Variants in IL1RAPL1 observed in about 807,000 individuals in gnomAD.
The protein encoded by IL1RAPL1 is interleukin-1 receptor accessory protein-like 1.
A neutral mutation model predicts 48.4 loss-of-function variants in IL1RAPL1; 3 were observed. The observed-to-expected ratio is 0.06, with a 90% confidence interval of 0.03 to 0.16. The LOEUF is 0.16. Among genes scored for constraint, IL1RAPL1 ranks in the 10% least tolerant of loss-of-function variants. The pLI is 1.00. For synonymous variants in IL1RAPL1, 185 were observed against 187.7 expected, an observed-to-expected ratio of 0.99 and a Z score of 0.12; for missense variants, 349 against 530.6, an observed-to-expected ratio of 0.66 and a Z score of 3.36.
intron 2 of IL1RAPL1, among the ~76,000 whole-genome samples, chrX:29,225,330 G>T (rs187435963): frequency 3.6e-5 from 4 of 111,780 alleles, no homozygotes; most frequent in African/African-American, 9.7e-5. Context: ...AATGTTCCAC[G>T]TTCCAAGTCT....
chrX:28,622,227 C>A (rs1934291796), intron 1 of IL1RAPL1, among the ~76,000 whole-genome samples: 1 of 111,853 alleles, frequency 8.9e-6, no homozygotes, highest in Non-Finnish European at 1.9e-5. Flanking sequence ...TAAAACCAAT[C>A]TCCCTAACAT....
chrX:29,116,314 G>A (rs1928677835), intron 2 of IL1RAPL1, among the ~76,000 whole-genome samples: 1 of 110,526 alleles, frequency 9.0e-6, no homozygotes, highest in South Asian at 3.8e-4. Context: ...AAAAAAGAAT[G>A]GAGGGAGGAG....
intron 6 of IL1RAPL1, among the ~76,000 whole-genome samples, chrX:29,879,069 C>T (rs1293374282): frequency 1.8e-5 from 2 of 111,488 alleles, no homozygotes; most frequent in Non-Finnish European, 3.8e-5. Flanking sequence ...GAATAGTACA[C>T]AGCAGTAAAC....
chrX:29,483,566 A>G (rs1935063299), intron 5 of IL1RAPL1, among the ~76,000 whole-genome samples: 1 of 112,068 alleles, frequency 8.9e-6, no homozygotes, highest in Non-Finnish European at 1.9e-5. Context: ...CCTTAGTGAG[A>G]CTACAACTGT....
intron 5 of IL1RAPL1, among the ~76,000 whole-genome samples, chrX:29,504,536 T>C (rs1935308399): frequency 8.9e-6 from 1 of 112,205 alleles, no homozygotes; most frequent in Non-Finnish European, 1.9e-5. Flanking sequence ...AATAGGTATT[T>C]ATAATTGTTC....
intron 5 of IL1RAPL1, among the ~76,000 whole-genome samples, chrX:29,421,946 C>G (rs1934296138): frequency 9.0e-6 from 1 of 111,692 alleles, no homozygotes; most frequent in African/African-American, 3.3e-5. Context: ...GAAAAATCAA[C>G]TCACAGAAAG....
At chrX:29,744,098 C>T (rs985734850) in intron 6 of IL1RAPL1, among the ~76,000 whole-genome samples, 17 of 112,089 alleles carry the variant, frequency 1.5e-4, no homozygotes, top group Non-Finnish European at 2.6e-4. Flanking sequence ...TTCCAACAAT[C>T]GAGTTTGTTT....
chrX:29,175,134 CT>C (rs2147515967), intron 2 of IL1RAPL1, among the ~76,000 whole-genome samples: 1 of 107,431 alleles, frequency 9.3e-6, no homozygotes, highest in Non-Finnish European at 1.9e-5. Flanking sequence ...GGAGTCTTAA[CT>C]TTGTATACCA....
At chrX:29,336,416 T>C (rs1391598815) in intron 3 of IL1RAPL1, among the ~76,000 whole-genome samples, 2 of 104,747 alleles carry the variant, frequency 1.9e-5, no homozygotes, top group African/African-American at 6.9e-5. Context: ...TTTGAAAAAC[T>C]TTGTCTTCTT....
chrX:29,320,291 C>T (rs1932795236), intron 3 of IL1RAPL1, among the ~76,000 whole-genome samples: 2 of 111,714 alleles, frequency 1.8e-5, no homozygotes, highest in African/African-American at 6.5e-5. Flanking sequence ...AGATTTTCCT[C>T]AACATATAAG....
chrX:28,661,394 ATATAT>A (rs199699591), intron 1 of IL1RAPL1, among the ~76,000 whole-genome samples: 15,006 of 110,917 alleles, frequency 0.14, 822 homozygotes, highest in African/African-American at 0.18. Context: ...AATGCTGGTG[ATATAT>A]TATTTGATTG....
At chrX:28,942,721 T>G (rs1924196137) in intron 2 of IL1RAPL1, among the ~76,000 whole-genome samples, 1 of 108,019 alleles carries the variant, frequency 9.3e-6, no homozygotes, top group Admixed American at 1.0e-4. Context: ...AGGCATCAGA[T>G]GAAAGAGAAA....
At chrX:29,840,756 T>G (rs1238962263) in intron 6 of IL1RAPL1, among the ~76,000 whole-genome samples, 1 of 111,784 alleles carries the variant, frequency 8.9e-6, no homozygotes, top group Non-Finnish European at 1.9e-5. Flanking sequence ...CTGACAGCCC[T>G]TTGATACTTG....
intron 3 of IL1RAPL1, among the ~76,000 whole-genome samples, chrX:29,335,642 A>G (rs1440274430): frequency 9.0e-6 from 1 of 110,609 alleles, no homozygotes; most frequent in South Asian, 3.9e-4. Context: ...CCACAATTCC[A>G]ATATATGTTA....
At chrX:29,340,671 G>A (rs754825331) in intron 3 of IL1RAPL1, among the ~76,000 whole-genome samples, 18 of 111,965 alleles carry the variant, frequency 1.6e-4, no homozygotes, top group Admixed American at 4.8e-4. Context: ...CTTACAGACA[G>A]CTGGTTCAGC....
intron 5 of IL1RAPL1, among the ~76,000 whole-genome samples, chrX:29,569,708 C>T (rs190986113): frequency 9.0e-6 from 1 of 110,882 alleles, no homozygotes; most frequent in East Asian, 2.8e-4. Context: ...GAAAAATTCA[C>T]GTTTGCCTTG....
chrX:29,601,793 G>C (rs1483199133), intron 5 of IL1RAPL1, among the ~76,000 whole-genome samples: 5 of 111,929 alleles, frequency 4.5e-5, no homozygotes, highest in Admixed American at 9.4e-5. Flanking sequence ...ACAACATATA[G>C]AGATCTGTTT....
chrX:29,762,311 G>A (rs760768316), intron 6 of IL1RAPL1, among the ~76,000 whole-genome samples: 2 of 111,450 alleles, frequency 1.8e-5, no homozygotes, highest in Non-Finnish European at 3.8e-5. Flanking sequence ...CTGTCTTCTA[G>A]GACAAATAGT....
chrX:28,595,427 G>A (rs1933943822), intron 1 of IL1RAPL1, among the ~76,000 whole-genome samples: 1 of 112,377 alleles, frequency 8.9e-6, no homozygotes, highest in South Asian at 3.6e-4. Flanking sequence ...TTCTAGAAAA[G>A]ATGCCATTAA....
Sources: gnomAD v4.1 joint callset for allele counts (sites outside exome capture counted in the v4.1 genomes callset) on GRCh38, gnomAD v4.1.1 for gene constraint, MANE v1.5 for transcripts, NCBI Gene and HGNC (gene_info 2026-07-23, HGNC 2026-07-21) for gene names.